CDON: variants seen among roughly 807,000 people sequenced by gnomAD.
CDON encodes the protein cell adhesion associated, oncogene regulated.
CDON carries 73 observed loss-of-function variants against 120.9 expected under a neutral mutation model. The observed-to-expected ratio is 0.60, with a 90% confidence interval of 0.50 to 0.73. The LOEUF (loss-of-function observed/expected upper bound fraction) is 0.73. CDON is among the 30% of genes least tolerant of loss of function. The pLI is 0.00. For synonymous variants in CDON, 566 were observed against 573.5 expected (o/e 0.99, Z 0.19); for missense variants, 1,470 against 1,587.3 (o/e 0.93, Z 1.26).
At chr11:126,017,007 C>T in intron 6 of CDON, 81 bp downstream of exon 6, 1 of 1,197,212 alleles carries the variant, frequency 8.4e-7, no homozygotes, top group Non-Finnish European at 1.2e-6. Context: ...ATTTCAATTT[C>T]ACAAATAGAT....
At chr11:126,058,778 A>T (rs979729361) in intron 1 of CDON, among the ~76,000 whole-genome samples, 1 of 152,230 alleles carries the variant, frequency 6.6e-6, no homozygotes, top group African/African-American at 2.4e-5. Flanking sequence ...TTCTGAAAAA[A>T]AGTTTGTGCC....
chr11:126,006,182 G>A lies in CDON; in HGVS notation c.1553-125C>T, dbSNP rs1318203251. On this transcript the variant is annotated intron_variant, in intron 8 of 19. Transcript: ENST00000531738. ...AATTTGAGCCCCAGAAGTTAAAACG[G>A]GTAACACTGCCATTTATAATTCATG... 5 of 783,068 alleles carry A rather than the reference G, an allele frequency of 6.4e-6. No individual in the cohort carries two copies. The East Asian group carries it at 1.3e-4, about 21-fold the overall frequency. The allele number at this position is 783,068 out of a possible 1,614,324, so 48.5% of individuals were successfully genotyped here.
intron 7 of CDON, among the ~76,000 whole-genome samples, chr11:126,011,405 G>A (rs561001255): frequency 3.3e-5 from 5 of 152,226 alleles, no homozygotes; most frequent in South Asian, 4.2e-4. Context: ...AACTGATACC[G>A]GATTTCTGGA....
chr11:125,989,521 G>A, intron 15 of CDON, 116 bp downstream of exon 15: 1 of 979,594 alleles, frequency 1.0e-6, no homozygotes, highest in Non-Finnish European at 1.6e-6. Flanking sequence ...GGGTGACAGA[G>A]TGAGACCGTG....
At chr11:125,979,568 T>C (rs1340009023) in intron 17 of CDON, among the ~76,000 whole-genome samples, 1 of 152,132 alleles carries the variant, frequency 6.6e-6, no homozygotes, top group East Asian at 1.9e-4. Flanking sequence ...AAACGAATAA[T>C]TTAGAATCAC....
chr11:126,033,202 T>A (rs187300814), intron 1 of CDON, among the ~76,000 whole-genome samples: 21 of 152,252 alleles, frequency 1.4e-4, no homozygotes, highest in African/African-American at 4.6e-4. Flanking sequence ...TTTACTGAGA[T>A]GGGAGCAGCA....
At chr11:126,006,552 C>T (rs1257340017) in intron 8 of CDON, among the ~76,000 whole-genome samples, 1 of 152,070 alleles carries the variant, frequency 6.6e-6, no homozygotes, top group Non-Finnish European at 1.5e-5. Flanking sequence ...CCTGTAGTCC[C>T]AGCTACTTGG....
chr11:125,976,490 T>C (rs946940603), intron 18 of CDON, among the ~76,000 whole-genome samples: 1 of 152,070 alleles, frequency 6.6e-6, no homozygotes, highest in East Asian at 1.9e-4. Context: ...ACATGAAATG[T>C]AGTAAGTCAT....
In CDON at chr11:126,047,574, G is replaced by A. The variant is rs960703184; in HGVS notation, c.-62+15005C>T. Among the ~76,000 whole-genome samples, 27 of 152,292 alleles carry A rather than the reference G, an allele frequency of 1.8e-4. 1 individual carries two copies. The highest frequency in any genetic ancestry group is 7.2e-5 in the African/African-American group (3 of 41,560). ...AACAGAACAGCAACAGCAACTGCTC[G>A]CATGCAGTAAGTACCTAGCAAGTGC... On this transcript the variant is annotated intron_variant, in intron 1 of 19. Transcript: ENST00000531738.
intron 9 of CDON, 105 bp from the exon 10 acceptor site, chr11:126,004,181 T>A (rs1947048954): frequency 8.9e-7 from 1 of 1,126,230 alleles, no homozygotes; most frequent in Non-Finnish European, 1.3e-6. Context: ...TCTAGAAGAG[T>A]TTTAAGAAGT....
intron 1 of CDON, among the ~76,000 whole-genome samples, chr11:126,057,500 T>C (rs1948707966): frequency 6.6e-6 from 1 of 152,150 alleles, no homozygotes; most frequent in Admixed American, 6.5e-5. Flanking sequence ...GCAAAACTCA[T>C]CTATTCCAAC....
intron 1 of CDON, 45 bp from the exon 2 acceptor site, chr11:126,023,582 CG>C: frequency 1.2e-6 from 1 of 865,682 alleles, no homozygotes; most frequent in South Asian, 1.3e-5. Context: ...TGAAATCTTT[CG>C]TCTGAGCAGC....
intron 10 of CDON, 42 bp from the exon 11 acceptor site, chr11:126,001,892 T>A: frequency 6.8e-7 from 1 of 1,461,914 alleles, no homozygotes; most frequent in Non-Finnish European, 9.6e-7. Context: ...TAAGCATATA[T>A]GTATGTAAAG....
chr11:126,007,640 T>C (rs971499323), intron 8 of CDON, among the ~76,000 whole-genome samples: 1 of 152,150 alleles, frequency 6.6e-6, no homozygotes, highest in Non-Finnish European at 1.5e-5. Context: ...AAATGCCACA[T>C]GCCTCATACA....
intron 4 of CDON, 107 bp from the exon 5 acceptor site, chr11:126,018,580 A>T (rs1947538959): frequency 6.2e-6 from 6 of 969,856 alleles, no homozygotes; most frequent in Non-Finnish European, 9.8e-6. Flanking sequence ...ATCTTATTTT[A>T]TTTTAGAGAT....
intron 9 of CDON, 21 bp from the exon 10 acceptor site, chr11:126,004,097 C>A: frequency 6.2e-7 from 1 of 1,612,562 alleles, no homozygotes; most frequent in Non-Finnish European, 8.5e-7. Flanking sequence ...GAAAACACAC[C>A]AGAAAAGAAA....
chr11:125,958,770 C>T lies in CDON; in HGVS notation c.*2172G>A, dbSNP rs1346550690. 2.0e-5 allele frequency: 3 copies of T among 152,438 alleles called. No homozygotes were observed. The highest frequency in any genetic ancestry group is 4.4e-5 in the Non-Finnish European group (3 of 68,018). The allele number at this position is 152,438 out of a possible 1,614,324, so 9.4% of individuals were successfully genotyped here. On this transcript the variant is annotated 3_prime_UTR_variant, in exon 20 of 20. Coordinates refer to ENST00000531738, the MANE Select transcript of CDON (RefSeq NM_001378964.1). ...CTCGTGGACAGATCCCATATTCAAA[C>T]TCAATCTTTAAAAGCAGTTCATGAC... is the stretch of plus-strand genomic sequence containing the variant.
At chr11:125,997,823 C>T (rs1282744074) in intron 11 of CDON, among the ~76,000 whole-genome samples, 1 of 152,152 alleles carries the variant, frequency 6.6e-6, no homozygotes, top group African/African-American at 2.4e-5. Flanking sequence ...ACACAAAATG[C>T]ACTCAGCAAT....
chr11:126,004,370 G>T, intron 9 of CDON: 1 of 412,864 alleles, frequency 2.4e-6, no homozygotes, highest in African/African-American at 2.0e-5. Flanking sequence ...ACTTGTAATG[G>T]AAACAATGCC....
Sources: allele counts gnomAD v4.1 joint callset (sites outside exome capture counted in the v4.1 genomes callset), GRCh38; gene constraint gnomAD v4.1.1; transcripts MANE v1.5; gene names NCBI Gene and HGNC (gene_info 2026-07-23, HGNC 2026-07-21).